Variants in RORA observed in about 807,000 individuals in gnomAD.
RORA encodes the protein nuclear receptor ROR-alpha.
Under a neutral mutation model 69.5 loss-of-function variants are expected in RORA, and 7 were observed. The observed-to-expected ratio is 0.10, with a 90% CI of 0.06 to 0.19. The LOEUF (loss-of-function observed/expected upper bound fraction) is 0.19, where lower values mean the gene tolerates loss of function less well. Among genes scored for constraint, RORA ranks in the 10% least tolerant of loss-of-function variants. The pLI is 1.00. For missense variants in RORA, 457 were observed against 663.0 expected, an observed-to-expected ratio of 0.69 and a Z score of 3.41; for synonymous variants, 261 against 240.8, an observed-to-expected ratio of 1.08 and a Z score of -0.78.
At chr15:60,997,707 T>A (rs549284372) in intron 1 of RORA, among the ~76,000 whole-genome samples, 1 of 152,292 alleles carries the variant, frequency 6.6e-6, no homozygotes, top group African/African-American at 2.4e-5. Flanking sequence ...GTTGCTGCTG[T>A]CCCATCTACC....
At chr15:61,030,871 T>C (rs960212850) in intron 1 of RORA, among the ~76,000 whole-genome samples, 1 of 152,190 alleles carries the variant, frequency 6.6e-6, no homozygotes, top group Non-Finnish European at 1.5e-5. Flanking sequence ...GTGAAGGATA[T>C]TAGAAAAATA....
intron 1 of RORA, among the ~76,000 whole-genome samples, chr15:60,900,132 C>T (rs72752725): frequency 0.027 from 4,107 of 152,232 alleles, 53 homozygotes; most frequent in Middle Eastern, 0.054. Flanking sequence ...CATCATTTGG[C>T]GCTTTTTGAC....
intron 2 of RORA, among the ~76,000 whole-genome samples, chr15:60,607,965 T>A (rs937040551): frequency 7.9e-5 from 12 of 152,230 alleles, no homozygotes; most frequent in African/African-American, 2.9e-4. Context: ...CCGATACCTT[T>A]TTCTTGGCTG....
chr15:60,771,739 AG>A (rs2072079804), intron 1 of RORA, among the ~76,000 whole-genome samples: 1 of 152,242 alleles, frequency 6.6e-6, no homozygotes, highest in African/African-American at 2.4e-5. Context: ...GTGAATAATA[AG>A]TAATACAAAA....
intron 1 of RORA, among the ~76,000 whole-genome samples, chr15:60,991,776 T>C (rs1273643587): frequency 2.0e-5 from 3 of 151,886 alleles, no homozygotes; most frequent in Admixed American, 2.0e-4. Context: ...GCCTTGATGC[T>C]GCAAGCACCT....
chr15:60,564,239 G>T (rs2067653941), intron 2 of RORA, among the ~76,000 whole-genome samples: 2 of 152,146 alleles, frequency 1.3e-5, no homozygotes, highest in African/African-American at 4.8e-5. Context: ...CTGTAGAATG[G>T]TTATCCCCAT....
chr15:61,026,972 C>T (rs1895849807), intron 1 of RORA, among the ~76,000 whole-genome samples: 5 of 150,822 alleles, frequency 3.3e-5, no homozygotes, highest in Middle Eastern at 6.9e-3. Flanking sequence ...GTTTTAACTG[C>T]ATCAGGAGTA....
intron 2 of RORA, among the ~76,000 whole-genome samples, chr15:60,564,095 A>T (rs954065558): frequency 1.3e-5 from 2 of 152,186 alleles, no homozygotes; most frequent in Non-Finnish European, 2.9e-5. Flanking sequence ...GCATGCTTAC[A>T]ATTGGTATAC....
At position 60,915,718 on chromosome 15, in the gene RORA, C is replaced by T. The variant is rs74017855; in HGVS notation, c.167-237032G>A. 3.2e-3 allele frequency among the ~76,000 whole-genome samples: 483 copies of T among 152,230 alleles called. 3 individuals carry two copies. Among genetic ancestry groups the T allele is most frequent in the African/African-American group, 0.011 (457 of 41,530 alleles). Reference sequence around the variant, plus strand: ...ATTGGGCAGTGAAATGAGGAAGCTTCGGCTTGAAGAAGTGGAAGAGGAAGC... The same window carrying T: ...ATTGGGCAGTGAAATGAGGAAGCTTTGGCTTGAAGAAGTGGAAGAGGAAGC... On this transcript the variant is annotated intron_variant, in intron 1 of 10. Coordinates refer to ENST00000335670, the MANE Select transcript of RORA (RefSeq NM_134261.3).
chr15:61,008,191 TTCTC>T (rs546893051), intron 1 of RORA, among the ~76,000 whole-genome samples: 4 of 135,244 alleles, frequency 3.0e-5, no homozygotes, highest in Admixed American at 7.6e-5. Context: ...AATTTCAAAA[TTCTC>T]TCTCTCTCTG....
At chr15:60,725,725 TG>T (rs1309393669) in intron 1 of RORA, among the ~76,000 whole-genome samples, 2 of 152,232 alleles carry the variant, frequency 1.3e-5, no homozygotes, top group African/African-American at 4.8e-5. Context: ...TTGTGACTTG[TG>T]CCTTTCGGGA....
intron 2 of RORA, among the ~76,000 whole-genome samples, chr15:60,557,305 G>C (rs972869941): frequency 6.6e-6 from 1 of 152,188 alleles, no homozygotes; most frequent in African/African-American, 2.4e-5. Context: ...CAACTGTTAT[G>C]GTTATCGGAG....
chr15:60,508,113 A>T (rs2065572868), intron 5 of RORA, among the ~76,000 whole-genome samples: 1 of 152,230 alleles, frequency 6.6e-6, no homozygotes, highest in South Asian at 2.1e-4. Flanking sequence ...AGCAAAGGCG[A>T]GTATGGTCAG....
At chr15:60,618,234 C>G (rs149190252) in intron 2 of RORA, among the ~76,000 whole-genome samples, 240 of 152,328 alleles carry the variant, frequency 1.6e-3, no homozygotes, top group African/African-American at 5.5e-3. Flanking sequence ...TCCTCAGAAA[C>G]AGTGATGGAG....
chr15:61,205,993 G>A (rs1221369713), intron 1 of RORA, among the ~76,000 whole-genome samples: 1 of 152,150 alleles, frequency 6.6e-6, no homozygotes, highest in Non-Finnish European at 1.5e-5. Context: ...TCTGCAACAT[G>A]GGGTTCATAA....
intron 1 of RORA, among the ~76,000 whole-genome samples, chr15:60,701,582 ATATT>A (rs2140792299): frequency 6.6e-6 from 1 of 152,218 alleles, no homozygotes; most frequent in African/African-American, 2.4e-5. Flanking sequence ...ACTCACCGCA[ATATT>A]TATCCATCAC....
At chr15:60,739,451 G>C (rs1373728530) in intron 1 of RORA, among the ~76,000 whole-genome samples, 1 of 152,012 alleles carries the variant, frequency 6.6e-6, no homozygotes, top group African/African-American at 2.4e-5. Context: ...GTACACCTGT[G>C]GTCCTGCTAC....
At chr15:60,925,606 C>T (rs980981116) in intron 1 of RORA, among the ~76,000 whole-genome samples, 1 of 152,234 alleles carries the variant, frequency 6.6e-6, no homozygotes, top group Non-Finnish European at 1.5e-5. Context: ...AGCAGCCCCA[C>T]AGCTCACTCA....
chr15:60,501,529 T>C lies in RORA; in HGVS notation c.1184-460A>G, dbSNP rs551950045. Reference sequence around the variant, plus strand: ...CACCTAAGGTCACACAGGTAGAAAGTACAGCCTAAGAAGAAGCAAAGCTAG... The same window carrying C: ...CACCTAAGGTCACACAGGTAGAAAGCACAGCCTAAGAAGAAGCAAAGCTAG... On this transcript the variant is annotated intron_variant, in intron 8 of 10. Transcript: ENST00000335670. Among the ~76,000 whole-genome samples, 11 of 152,298 alleles carry C rather than the reference T, an allele frequency of 7.2e-5. No homozygotes were observed. In the South Asian group the frequency reaches 2.3e-3, roughly 32 times the overall value.
Sources: gnomAD v4.1 joint callset for allele counts (sites outside exome capture counted in the v4.1 genomes callset) on GRCh38, gnomAD v4.1.1 for gene constraint, MANE v1.5 for transcripts, NCBI Gene and HGNC (gene_info 2026-07-23, HGNC 2026-07-21) for gene names.